WDR93: variants seen among roughly 807,000 people sequenced by gnomAD.
WDR93 encodes the protein WD repeat domain 93, also known as WD repeat-containing protein 93.
In WDR93, 73 loss-of-function variants were observed where a neutral mutation model predicts 82.9. That is an observed-to-expected ratio of 0.88 (90% CI 0.73 to 1.07). The LOEUF (loss-of-function observed/expected upper bound fraction) is 1.07, where lower values mean the gene tolerates loss of function less well. Among genes scored for constraint, WDR93 ranks in the 50% least tolerant of loss-of-function variants. The pLI, the probability that WDR93 is intolerant of heterozygous loss-of-function variation, is 0.00. For missense variants in WDR93, 738 were observed against 826.0 expected (o/e 0.89, Z 1.31); for synonymous variants, 283 against 300.1 (o/e 0.94, Z 0.59).
intron 4 of WDR93, among the ~76,000 whole-genome samples, chr15:89,711,172 A>G (rs1381345042): frequency 6.6e-6 from 1 of 152,236 alleles, no homozygotes; most frequent in East Asian, 1.9e-4. Context: ...TGTTCTTGCC[A>G]AAACATTGAA....
chr15:89,739,115 C>CAAAGAAA (rs1967450210), intron 16 of WDR93, among the ~76,000 whole-genome samples: 1 of 127,212 alleles, frequency 7.9e-6, no homozygotes, highest in African/African-American at 2.8e-5. Context: ...GACCCTGCCT[C>CAAAGAAA]AAAAAAAAAA....
intron 14 of WDR93, among the ~76,000 whole-genome samples, 166 bp from the exon 15 acceptor site, chr15:89,737,405 CAT>C (rs1295635374): frequency 6.6e-6 from 1 of 152,166 alleles, no homozygotes; most frequent in Non-Finnish European, 1.5e-5. Flanking sequence ...CCCAAGCACA[CAT>C]GTGTGTGCAG....
At chr15:89,693,279 A>G (rs113799229) in intron 1 of WDR93, among the ~76,000 whole-genome samples, 6 of 152,350 alleles carry the variant, frequency 3.9e-5, no homozygotes, top group African/African-American at 1.4e-4. Context: ...AGAAACTGCC[A>G]AACTGTTTTC....
chr15:89,694,424 A>G (rs1019954518), intron 1 of WDR93, among the ~76,000 whole-genome samples: 1 of 151,722 alleles, frequency 6.6e-6, no homozygotes, highest in Admixed American at 6.6e-5. Flanking sequence ...TTTAGTAGAC[A>G]TGGGGTTTCA....
chr15:89,692,914 G>GT (rs71151525), intron 1 of WDR93, among the ~76,000 whole-genome samples: 97,610 of 151,966 alleles, frequency 0.64, 32,075 homozygotes, highest in Non-Finnish European at 0.71. Flanking sequence ...GGCCTCATCT[G>GT]TTTTTTATAC....
At chr15:89,690,687 G>A (rs1964821757), upstream of WDR93, 2 of 1,329,046 alleles carry the variant, frequency 1.5e-6, no homozygotes, top group Non-Finnish European at 2.1e-6. Context: ...GGTCCTCTGG[G>A]GCCCGTCGGA....
intron 7 of WDR93, among the ~76,000 whole-genome samples, chr15:89,720,456 A>G (rs1014789253): frequency 6.6e-6 from 1 of 152,038 alleles, no homozygotes; most frequent in Admixed American, 6.6e-5. Flanking sequence ...TATTTTTAGT[A>G]GAGATGGGGT....
At chr15:89,711,534 A>G (rs1965977717) in intron 4 of WDR93, among the ~76,000 whole-genome samples, 1 of 151,776 alleles carries the variant, frequency 6.6e-6, no homozygotes, top group African/African-American at 2.4e-5. Context: ...TCAAAAAAAA[A>G]AAAAAAAAGA....
intron 1 of WDR93, among the ~76,000 whole-genome samples, chr15:89,691,576 C>T (rs1245813689): frequency 1.3e-5 from 2 of 152,038 alleles, no homozygotes; most frequent in Middle Eastern, 3.2e-3. Context: ...AAAAAGTAGC[C>T]GGGCGTGGTG....
intron 3 of WDR93, chr15:89,704,362 T>C (rs1408951975): frequency 6.6e-6 from 1 of 152,074 alleles, no homozygotes; most frequent in Non-Finnish European, 1.5e-5. Flanking sequence ...ACTATGGTTA[T>C]GTAAGATGTT....
At chr15:89,736,386 G>A (rs1420086528) in intron 14 of WDR93, among the ~76,000 whole-genome samples, 1 of 152,144 alleles carries the variant, frequency 6.6e-6, no homozygotes, top group African/African-American at 2.4e-5. Flanking sequence ...AGAGCCAAGG[G>A]CTGAAAATGT....
Position 89,729,109 on chromosome 15 carries a change from G to A in WDR93, c.1123+16G>A. The A allele has an allele frequency of 6.2e-7, 1 of 1,612,410 alleles. No homozygotes were observed. On this transcript the variant is annotated intron_variant, in intron 10 of 16. Coordinates refer to ENST00000268130, the MANE Select transcript of WDR93 (RefSeq NM_020212.2). ...GGCCCCTCAGGTAAATGAACATGAA[G>A]TGGGTGGTTGTCCTAGCAAGGAGTC...
intron 3 of WDR93, chr15:89,704,354 T>C (rs1279470198): frequency 6.6e-6 from 1 of 151,998 alleles, no homozygotes; most frequent in Non-Finnish European, 1.5e-5. Flanking sequence ...AAAAGTGTAC[T>C]ATGGTTATGT....
intron 16 of WDR93, 60 bp downstream of exon 16, chr15:89,738,296 T>C (rs1468610023): frequency 4.0e-6 from 6 of 1,487,924 alleles, no homozygotes; most frequent in South Asian, 2.7e-5. Context: ...GATTGAGGGA[T>C]AGTGGAGTTT....
chr15:89,729,810 T>G, intron 11 of WDR93, 41 bp downstream of exon 11: 2 of 1,495,430 alleles, frequency 1.3e-6, no homozygotes, highest in Non-Finnish European at 1.9e-6. Context: ...AGCTCAGGAC[T>G]TGCAGACATG....
At chr15:89,726,075 T>C (rs1966726650) in intron 8 of WDR93, among the ~76,000 whole-genome samples, 1 of 152,152 alleles carries the variant, frequency 6.6e-6, no homozygotes. Flanking sequence ...TAAGTGAAAA[T>C]ACAAGGGGAA....
intron 1 of WDR93, among the ~76,000 whole-genome samples, chr15:89,701,168 G>A (rs72752555): frequency 0.18 from 27,225 of 151,976 alleles, 2,660 homozygotes; most frequent in Middle Eastern, 0.25. Flanking sequence ...ATTTCTGGAG[G>A]CTCTTGAAAA....
At chr15:89,737,367 G>A (rs1208885841) in intron 14 of WDR93, among the ~76,000 whole-genome samples, 1 of 152,260 alleles carries the variant, frequency 6.6e-6, no homozygotes, top group Non-Finnish European at 1.5e-5. Context: ...GACAGCATGT[G>A]GAGGAGGGTC....
chr15:89,690,586 C>A (rs1323668563), upstream of WDR93: 1 of 1,551,104 alleles, frequency 6.4e-7, no homozygotes, highest in Non-Finnish European at 8.7e-7. Context: ...CCTGAAGAGT[C>A]GGTCCCGGCC....
Sources: allele counts gnomAD v4.1 joint callset (sites outside exome capture counted in the v4.1 genomes callset), GRCh38; gene constraint gnomAD v4.1.1; transcripts MANE v1.5; gene names NCBI Gene and HGNC (gene_info 2026-07-23, HGNC 2026-07-21).